The following SNTG2 variants were observed in gnomAD, a reference collection of about 807,000 sequenced individuals.
SNTG2 encodes syntrophin gamma 2.
A neutral mutation model predicts 70.9 loss-of-function variants in SNTG2; 74 were observed. The observed-to-expected ratio is 1.04, with a 90% CI of 0.86 to 1.27. The LOEUF is 1.27. SNTG2 is among the 50% of genes most tolerant of loss of function. The probability of loss-of-function intolerance (pLI) is 0.00; values close to 1 mark genes in which losing one functional copy is unlikely to be tolerated. For missense variants in SNTG2, 717 were observed against 690.7 expected, an observed-to-expected ratio of 1.04 and a Z score of -0.43; for synonymous variants, 278 against 273.8, an observed-to-expected ratio of 1.02 and a Z score of -0.15.
Position 1,165,718 on chromosome 2 carries a change from C to G in SNTG2, c.499+83C>G, listed in dbSNP as rs529670896. On this transcript the variant is annotated intron_variant, in intron 7 of 16. Transcript: ENST00000308624. ...ATTTATCCAAATGCTACCACATGGA[C>G]TGGGATATTAATCATTTGCTGAGTG... The G allele has an allele frequency of 3.5e-5, 41 of 1,163,668 alleles. No homozygotes were observed. The African/African-American group carries it at 5.8e-4, about 17-fold the overall frequency. The allele number at this position is 1,163,668 out of a possible 1,614,324, so 72.1% of individuals were successfully genotyped here.
chr2:1,274,535 T>C (rs867898925), intron 14 of SNTG2, among the ~76,000 whole-genome samples: 1 of 152,220 alleles, frequency 6.6e-6, no homozygotes, highest in East Asian at 1.9e-4. Flanking sequence ...CTTTCACGGA[T>C]TGTGTTTTTG....
chr2:1,283,429 G>T (rs1322208801), intron 14 of SNTG2, among the ~76,000 whole-genome samples: 2 of 152,226 alleles, frequency 1.3e-5, no homozygotes, highest in African/African-American at 2.4e-5. Flanking sequence ...GCTGTAAGGT[G>T]TCTCTTGTCC....
chr2:1,366,970 A>G (rs1661522912), intron 16 of SNTG2, among the ~76,000 whole-genome samples: 1 of 152,180 alleles, frequency 6.6e-6, no homozygotes, highest in Non-Finnish European at 1.5e-5. Context: ...CAAAATCACC[A>G]CAGGTGCTGG....
intron 1 of SNTG2, among the ~76,000 whole-genome samples, chr2:1,032,466 G>A (rs991731400): frequency 2.0e-5 from 3 of 152,074 alleles, no homozygotes; most frequent in Non-Finnish European, 4.4e-5. Context: ...ATATAAACAG[G>A]TATAGGCAAG....
intron 8 of SNTG2, among the ~76,000 whole-genome samples, chr2:1,181,528 G>A (rs1671898515): frequency 6.6e-6 from 1 of 152,162 alleles, no homozygotes; most frequent in African/African-American, 2.4e-5. Flanking sequence ...CCAGAGGAAT[G>A]GTTTCTGTCT....
intron 1 of SNTG2, among the ~76,000 whole-genome samples, chr2:957,737 G>A (rs926046513): frequency 5.9e-5 from 9 of 151,458 alleles, no homozygotes; most frequent in Non-Finnish European, 1.0e-4. Context: ...AGACTGAGAC[G>A]GGAGAGATGC....
intron 1 of SNTG2, among the ~76,000 whole-genome samples, chr2:1,040,657 G>A (rs964170387): frequency 2.6e-5 from 4 of 152,144 alleles, no homozygotes; most frequent in Non-Finnish European, 5.9e-5. Flanking sequence ...CCTTTTTCAT[G>A]CTTCAAACAA....
At chr2:1,045,614 T>C (rs1021766354) in intron 1 of SNTG2, among the ~76,000 whole-genome samples, 8 of 152,218 alleles carry the variant, frequency 5.3e-5, no homozygotes, top group African/African-American at 1.9e-4. Context: ...TTTCTTGATT[T>C]CTGACTTAAT....
At chr2:964,138 C>A (rs953759452) in intron 1 of SNTG2, among the ~76,000 whole-genome samples, 3 of 152,228 alleles carry the variant, frequency 2.0e-5, no homozygotes, top group African/African-American at 7.2e-5. Flanking sequence ...AGCACTACCT[C>A]TGGATCTTGT....
intron 16 of SNTG2, among the ~76,000 whole-genome samples, chr2:1,358,671 C>T (rs1194960064): frequency 6.6e-6 from 1 of 152,054 alleles, no homozygotes; most frequent in African/African-American, 2.4e-5. Flanking sequence ...AATTTTCCTT[C>T]TGCTATTGAT....
intron 4 of SNTG2, among the ~76,000 whole-genome samples, chr2:1,117,170 T>C (rs555611831): frequency 2.4e-4 from 36 of 152,226 alleles, no homozygotes; most frequent in African/African-American, 6.0e-4. Context: ...GATGCTGTGA[T>C]GTGCAGGTTT....
chr2:962,449 T>G (rs1660384796), intron 1 of SNTG2, among the ~76,000 whole-genome samples: 1 of 152,200 alleles, frequency 6.6e-6, no homozygotes, highest in Non-Finnish European at 1.5e-5. Flanking sequence ...CCTTGCACCT[T>G]TTCTTTAACC....
In SNTG2 at chr2:960,007, C is replaced by A. The variant is rs953004909; in HGVS notation, c.72+8939C>A. 8.6e-5 allele frequency among the ~76,000 whole-genome samples: 13 copies of A among 151,986 alleles called. 1 individual carries two copies. The highest frequency in any genetic ancestry group is 2.0e-4 in the Admixed American group (3 of 15,250). On this transcript the variant is annotated intron_variant, in intron 1 of 16. Coordinates refer to ENST00000308624, the MANE Select transcript of SNTG2 (RefSeq NM_018968.4). ...CATCCTCAAGATAGAATTTTCTATC[C>A]TGCTTTTTAGAATTCTCATTATAAA...
chr2:1,212,177 G>A (rs1468544692), intron 9 of SNTG2, among the ~76,000 whole-genome samples: 1 of 152,150 alleles, frequency 6.6e-6, no homozygotes, highest in African/African-American at 2.4e-5. Context: ...TCATGAATGG[G>A]TTAGCAAAAT....
intron 4 of SNTG2, among the ~76,000 whole-genome samples, chr2:1,118,259 G>A (rs542265766): frequency 6.6e-5 from 10 of 152,130 alleles, no homozygotes; most frequent in African/African-American, 1.7e-4. Flanking sequence ...CAGACCCTGC[G>A]CTGAGAAAGA....
At chr2:1,042,655 G>A (rs1034143188) in intron 1 of SNTG2, among the ~76,000 whole-genome samples, 1 of 152,160 alleles carries the variant, frequency 6.6e-6, no homozygotes, top group Non-Finnish European at 1.5e-5. Context: ...ACTCACTTAG[G>A]ATAATGGCCT....
At chr2:1,352,115 G>A (rs4247592) in intron 16 of SNTG2, among the ~76,000 whole-genome samples, 40,763 of 152,064 alleles carry the variant, frequency 0.27, 5,815 homozygotes, top group East Asian at 0.53. Context: ...CTACACTCGT[G>A]CCTTGGTTCC....
chr2:1,282,820 C>A (rs1367435785), intron 14 of SNTG2, among the ~76,000 whole-genome samples: 1 of 147,776 alleles, frequency 6.8e-6, no homozygotes, highest in Admixed American at 6.8e-5. Context: ...TTGACTGATA[C>A]GATAAGTAGA....
intron 16 of SNTG2, among the ~76,000 whole-genome samples, chr2:1,321,046 A>T (rs748652450): frequency 2.6e-5 from 4 of 152,258 alleles, no homozygotes; most frequent in Non-Finnish European, 5.9e-5. Context: ...AAGAAGGAGC[A>T]AATTATTGTT....
Sources: gnomAD v4.1 joint callset for allele counts (sites outside exome capture counted in the v4.1 genomes callset) on GRCh38, gnomAD v4.1.1 for gene constraint, MANE v1.5 for transcripts, NCBI Gene and HGNC (gene_info 2026-07-23, HGNC 2026-07-21) for gene names.